The following DLG1 variants were observed in gnomAD, a reference collection of about 807,000 sequenced individuals.
DLG1 encodes the protein discs large MAGUK scaffold protein 1, also known as disks large homolog 1.
A neutral mutation model predicts 123.4 loss-of-function variants in DLG1; 42 were observed. The observed-to-expected ratio is 0.34, with a 90% CI of 0.27 to 0.44. DLG1 has a LOEUF of 0.44. Among genes scored for constraint, DLG1 ranks in the 20% least tolerant of loss-of-function variants. The probability of loss-of-function intolerance (pLI) is 1.00; values close to 1 mark genes in which losing one functional copy is unlikely to be tolerated. For synonymous variants in DLG1, 317 were observed against 356.2 expected, an observed-to-expected ratio of 0.89 and a Z score of 1.24; for missense variants, 942 against 1,082.6, an observed-to-expected ratio of 0.87 and a Z score of 1.82.
chr3:197,273,050 G>GTATA (rs1764581953), intron 4 of DLG1, among the ~76,000 whole-genome samples: 2 of 151,956 alleles, frequency 1.3e-5, no homozygotes, highest in African/African-American at 4.8e-5. Context: ...TCTTGACCTG[G>GTATA]TATATTCACA....
intron 4 of DLG1, among the ~76,000 whole-genome samples, chr3:197,234,544 A>G (rs569731309): frequency 6.6e-6 from 1 of 152,362 alleles, no homozygotes; most frequent in Admixed American, 6.5e-5. Context: ...TATAATATGG[A>G]CAGACAAGCA....
chr3:197,148,170 G>T (rs971233774), intron 6 of DLG1, among the ~76,000 whole-genome samples: 3 of 143,682 alleles, frequency 2.1e-5, no homozygotes, highest in African/African-American at 7.8e-5. Context: ...AGGCTGAGGC[G>T]GGCTGGATGA....
intron 5 of DLG1, among the ~76,000 whole-genome samples, chr3:197,179,252 G>T (rs1367550519): frequency 6.6e-6 from 1 of 152,132 alleles, no homozygotes; most frequent in East Asian, 1.9e-4. Flanking sequence ...ATGTTTGGGG[G>T]ATGCTTAGGG....
At chr3:197,276,042 A>G (rs977359221) in intron 4 of DLG1, among the ~76,000 whole-genome samples, 27 of 152,206 alleles carry the variant, frequency 1.8e-4, no homozygotes, top group Admixed American at 1.2e-3. Flanking sequence ...TTGAAAGCAG[A>G]CTATGTGTAT....
intron 4 of DLG1, among the ~76,000 whole-genome samples, chr3:197,277,183 C>T (rs1044974159): frequency 2.0e-5 from 3 of 151,776 alleles, no homozygotes; most frequent in Non-Finnish European, 4.4e-5. Flanking sequence ...TGAGCCACTG[C>T]GCCCAGCCCC....
At chr3:197,191,844 T>C (rs1719766834) in intron 5 of DLG1, among the ~76,000 whole-genome samples, 1 of 152,082 alleles carries the variant, frequency 6.6e-6, no homozygotes, top group African/African-American at 2.4e-5. Flanking sequence ...ACTTCCAAGC[T>C]AGTAATAAGG....
At chr3:197,115,310 A>G (rs901954906) in intron 13 of DLG1, among the ~76,000 whole-genome samples, 2 of 152,154 alleles carry the variant, frequency 1.3e-5, no homozygotes, top group African/African-American at 2.4e-5. Context: ...GTGTATGGGT[A>G]ACAACATAAG....
intron 4 of DLG1, among the ~76,000 whole-genome samples, chr3:197,277,218 T>C (rs561671743): frequency 2.6e-5 from 4 of 152,206 alleles, no homozygotes; most frequent in Admixed American, 6.5e-5. Context: ...ATGGTTTTTT[T>C]TTTTTTAACC....
At position 197,243,245 on chromosome 3, in the gene DLG1, C is replaced by T. The variant is rs1396691957; in HGVS notation, c.318+39434G>A. 2.6e-5 allele frequency among the ~76,000 whole-genome samples: 4 copies of T among 152,246 alleles called. No individual in the cohort carries two copies. The South Asian group carries it at 8.3e-4, about 32-fold the overall frequency. On this transcript the variant is annotated intron_variant, in intron 4 of 24. Transcript: ENST00000667157. ...CAGGAAATTCATTGTTTGAACCTAA[C>T]AACTTCGAGTAAGGCGGCATGGGTC... is the stretch of plus-strand genomic sequence containing the variant.
chr3:197,234,254 C>T (rs991441842), intron 4 of DLG1, among the ~76,000 whole-genome samples: 1 of 152,224 alleles, frequency 6.6e-6, no homozygotes, highest in Admixed American at 6.5e-5. Flanking sequence ...TTCTAATACA[C>T]AGACAGGCTT....
intron 15 of DLG1, among the ~76,000 whole-genome samples, chr3:197,086,955 T>TA (rs1424824710): frequency 2.0e-5 from 3 of 152,180 alleles, no homozygotes; most frequent in African/African-American, 7.2e-5. Flanking sequence ...AATCTCTACT[T>TA]ACGTTAGCAT....
chr3:197,276,032 T>C (rs1372035213), intron 4 of DLG1, among the ~76,000 whole-genome samples: 1 of 152,208 alleles, frequency 6.6e-6, no homozygotes, highest in African/African-American at 2.4e-5. Context: ...AAGAGTACTA[T>C]TGAAAGCAGA....
At chr3:197,294,115 A>G (rs1776232618) in intron 3 of DLG1, among the ~76,000 whole-genome samples, 1 of 152,118 alleles carries the variant, frequency 6.6e-6, no homozygotes, top group Non-Finnish European at 1.5e-5. Flanking sequence ...AAAGTTATTC[A>G]GGAAACACAA....
intron 4 of DLG1, among the ~76,000 whole-genome samples, chr3:197,233,402 T>C (rs1319478847): frequency 6.6e-6 from 1 of 152,252 alleles, no homozygotes; most frequent in African/African-American, 2.4e-5. Flanking sequence ...AAATTCTTTT[T>C]TTGAGACAGA....
intron 5 of DLG1, among the ~76,000 whole-genome samples, chr3:197,169,039 T>C (rs1385725316): frequency 1.3e-5 from 2 of 152,226 alleles, no homozygotes; most frequent in Non-Finnish European, 2.9e-5. Context: ...AGATTAATTT[T>C]CTCTATAGCT....
chr3:197,206,269 T>C (rs1294482543), intron 4 of DLG1, among the ~76,000 whole-genome samples: 3 of 152,212 alleles, frequency 2.0e-5, no homozygotes, highest in African/African-American at 7.2e-5. Flanking sequence ...TATATACTCT[T>C]GATTTTAAAA....
intron 23 of DLG1, among the ~76,000 whole-genome samples, chr3:197,055,270 T>C (rs973402040): frequency 6.6e-5 from 10 of 152,240 alleles, no homozygotes; most frequent in Non-Finnish European, 1.3e-4. Context: ...CTTGAGACTT[T>C]GTCCATGTCT....
chr3:197,245,995 G>A (rs1015185212), intron 4 of DLG1, among the ~76,000 whole-genome samples: 3 of 150,934 alleles, frequency 2.0e-5, no homozygotes, highest in East Asian at 1.9e-4. Context: ...ATGAGACTTC[G>A]TTTAGTCCAA....
chr3:197,226,351 A>G (rs548568458), intron 4 of DLG1: 8 of 152,300 alleles, frequency 5.3e-5, no homozygotes, highest in African/African-American at 1.9e-4. Flanking sequence ...CTCCATGAGA[A>G]TAAGATACAA....
Sources: gnomAD v4.1 joint callset for allele counts (sites outside exome capture counted in the v4.1 genomes callset) on GRCh38, gnomAD v4.1.1 for gene constraint, MANE v1.5 for transcripts, NCBI Gene and HGNC (gene_info 2026-07-23, HGNC 2026-07-21) for gene names.